The following NELL1 variants were observed in gnomAD, a reference collection of about 807,000 sequenced individuals.
The protein encoded by NELL1 is neural EGFL like 1, also known as protein kinase C-binding protein NELL1.
A neutral mutation model predicts 107.4 loss-of-function variants in NELL1; 76 were observed. The observed-to-expected ratio is 0.71, with a 90% CI of 0.59 to 0.86. The LOEUF (loss-of-function observed/expected upper bound fraction) is 0.86. Among genes scored for constraint, NELL1 ranks in the 40% least tolerant of loss-of-function variants. The probability of loss-of-function intolerance (pLI) is 0.00; values close to 1 mark genes in which losing one functional copy is unlikely to be tolerated. For missense variants in NELL1, 1,024 were observed against 1,005.5 expected (o/e 1.02, Z -0.25); for synonymous variants, 353 against 341.2 (o/e 1.03, Z -0.38).
At chr11:20,837,644 A>G (rs1163965776) in intron 3 of NELL1, among the ~76,000 whole-genome samples, 1 of 152,148 alleles carries the variant, frequency 6.6e-6, no homozygotes. Flanking sequence ...AAGTAAGGAA[A>G]TGCTCAAAAC....
intron 11 of NELL1, among the ~76,000 whole-genome samples, chr11:20,948,784 A>C (rs929587494): frequency 6.6e-6 from 1 of 151,624 alleles, no homozygotes; most frequent in Non-Finnish European, 1.5e-5. Flanking sequence ...AAAAAAAAAA[A>C]AAACAGTTAA....
intron 15 of NELL1, among the ~76,000 whole-genome samples, chr11:21,374,726 A>G (rs965373011): frequency 2.6e-5 from 4 of 152,076 alleles, no homozygotes; most frequent in Non-Finnish European, 4.4e-5. Context: ...AACCTTTTCC[A>G]TACCTCTCAA....
intron 2 of NELL1, among the ~76,000 whole-genome samples, chr11:20,721,441 C>T (rs1437811481): frequency 6.6e-6 from 1 of 151,848 alleles, no homozygotes; most frequent in Non-Finnish European, 1.5e-5. Flanking sequence ...TTTTTCACCC[C>T]CTGGGATTCA....
At chr11:20,705,961 A>G (rs891505273) in intron 2 of NELL1, among the ~76,000 whole-genome samples, 2 of 152,202 alleles carry the variant, frequency 1.3e-5, no homozygotes, top group Non-Finnish European at 2.9e-5. Context: ...GAAAACCACA[A>G]TGAGATACCG....
intron 16 of NELL1, among the ~76,000 whole-genome samples, chr11:21,554,858 G>C (rs1227622977): frequency 1.3e-5 from 2 of 151,834 alleles, no homozygotes; most frequent in African/African-American, 4.8e-5. Context: ...AACTTTCTCA[G>C]TTTTAGCACT....
At chr11:21,075,870 G>T (rs1405628309) in intron 12 of NELL1, among the ~76,000 whole-genome samples, 1 of 152,150 alleles carries the variant, frequency 6.6e-6, no homozygotes, top group Non-Finnish European at 1.5e-5. Flanking sequence ...GAGTTCAGAA[G>T]AAGTATAGTT....
chr11:21,174,236 A>G (rs1032788167), intron 13 of NELL1, among the ~76,000 whole-genome samples: 2 of 151,852 alleles, frequency 1.3e-5, no homozygotes, highest in African/African-American at 4.9e-5. Flanking sequence ...CAAGTAACTG[A>G]TTCTGTCCCA....
At chr11:21,450,962 G>A (rs1477203378) in intron 15 of NELL1, among the ~76,000 whole-genome samples, 4 of 151,822 alleles carry the variant, frequency 2.6e-5, no homozygotes, top group African/African-American at 4.8e-5. Flanking sequence ...AGGCCGAGGC[G>A]GGCGGATCAT....
rs1850126376 is a variant in NELL1 at position 20,911,298 on chromosome 11, G to A, written c.604-6884G>A. 2.0e-5 allele frequency among the ~76,000 whole-genome samples: 3 copies of A among 152,186 alleles called. No individual in the cohort carries two copies. The South Asian group carries it at 6.2e-4, about 32-fold the overall frequency. On this transcript the variant is annotated intron_variant, in intron 5 of 19. Transcript: ENST00000357134. Reference sequence around the variant, plus strand: ...AATACTTCCTATGTTACAGACTTTGGCCCTGCATATAGTATCTCAGTTAAT... The same window carrying A: ...AATACTTCCTATGTTACAGACTTTGACCCTGCATATAGTATCTCAGTTAAT...
intron 14 of NELL1, among the ~76,000 whole-genome samples, chr11:21,342,701 G>C (rs1850600476): frequency 1.9e-5 from 1 of 53,474 alleles, no homozygotes; most frequent in East Asian, 6.5e-4. Flanking sequence ...GGAAGGAAGA[G>C]GGAGAGAGAG....
chr11:21,552,097 T>C (rs1377189508), intron 16 of NELL1, among the ~76,000 whole-genome samples: 1 of 125,830 alleles, frequency 7.9e-6, no homozygotes, highest in Non-Finnish European at 1.6e-5. Flanking sequence ...TGAGAACACA[T>C]GGACACAGGA....
intron 15 of NELL1, among the ~76,000 whole-genome samples, chr11:21,532,722 A>G (rs893745346): frequency 2.0e-5 from 3 of 152,144 alleles, no homozygotes; most frequent in Non-Finnish European, 4.4e-5. Context: ...ACAGAGAGTT[A>G]TCCTTCAGCC....
chr11:20,978,205 G>C (rs10766751), intron 12 of NELL1, among the ~76,000 whole-genome samples: 25,504 of 152,016 alleles, frequency 0.17, 2,468 homozygotes, highest in Middle Eastern at 0.28. Context: ...CATCTCATTT[G>C]TCTTGTTCTG....
chr11:21,277,754 G>A (rs949973241), intron 14 of NELL1, among the ~76,000 whole-genome samples: 17 of 152,070 alleles, frequency 1.1e-4, no homozygotes, highest in African/African-American at 3.1e-4. Context: ...TTTTAGGGAC[G>A]TGGATGAAGC....
intron 16 of NELL1, among the ~76,000 whole-genome samples, chr11:21,542,754 CTTAT>C (rs1856322312): frequency 6.6e-6 from 1 of 151,890 alleles, no homozygotes; most frequent in East Asian, 1.9e-4. Context: ...TTTAAATGTA[CTTAT>C]TTATTATGCA....
Position 21,263,885 on chromosome 11 carries a change from G to C in NELL1, c.1549+34431G>C, listed in dbSNP as rs575370373. ...GTTACAATTCTCACAGCCTTTATAG[G>C]TATATAATCCTTAAAAAATGGAAAA... On this transcript the variant is annotated intron_variant, in intron 14 of 19. Coordinates refer to ENST00000357134, the MANE Select transcript of NELL1 (RefSeq NM_006157.5). 4.6e-5 allele frequency among the ~76,000 whole-genome samples: 7 copies of C among 151,778 alleles called. No homozygotes were observed. The East Asian group carries it at 1.4e-3, about 29-fold the overall frequency.
At chr11:21,360,541 T>C (rs1055064105) in intron 14 of NELL1, among the ~76,000 whole-genome samples, 12 of 152,130 alleles carry the variant, frequency 7.9e-5, no homozygotes, top group African/African-American at 2.9e-4. Flanking sequence ...TATTTTTTCT[T>C]TGTTGACTTT....
chr11:21,002,824 C>A (rs984125050), intron 12 of NELL1, among the ~76,000 whole-genome samples: 1 of 152,150 alleles, frequency 6.6e-6, no homozygotes, highest in African/African-American at 2.4e-5. Context: ...CACTCTGTCT[C>A]CTGACAATTT....
intron 2 of NELL1, among the ~76,000 whole-genome samples, chr11:20,691,124 C>A (rs1854454082): frequency 6.6e-6 from 1 of 151,954 alleles, no homozygotes; most frequent in African/African-American, 2.4e-5. Flanking sequence ...GATTTTTGTA[C>A]ATTGATTTTG....
Sources: gnomAD v4.1 joint callset for allele counts (sites outside exome capture counted in the v4.1 genomes callset) on GRCh38, gnomAD v4.1.1 for gene constraint, MANE v1.5 for transcripts, NCBI Gene and HGNC (gene_info 2026-07-23, HGNC 2026-07-21) for gene names.